DAB1: variants seen among roughly 807,000 people sequenced by gnomAD.
DAB1 encodes the protein disabled homolog 1.
A neutral mutation model predicts 64.6 loss-of-function variants in DAB1; 15 were observed. The observed-to-expected ratio is 0.23, with a 90% CI of 0.16 to 0.36. The LOEUF (loss-of-function observed/expected upper bound fraction) is 0.36, where lower values mean the gene tolerates loss of function less well. Among genes scored for constraint, DAB1 ranks in the 10% least tolerant of loss-of-function variants. DAB1 has a pLI of 1.00. For synonymous variants in DAB1, 235 were observed against 251.9 expected (o/e 0.93, Z 0.64); for missense variants, 596 against 706.7 (o/e 0.84, Z 1.78).
Position 57,964,440 on chromosome 1 carries a change from G to T in DAB1, n.388-80278C>A, listed in dbSNP as rs1645602076. Among the ~76,000 whole-genome samples the T allele has an allele frequency of 1.3e-5, 2 of 152,134 alleles. 1 individual carries two copies. Among genetic ancestry groups the T allele is most frequent in the South Asian group, 4.1e-4 (2 of 4,828 alleles). On this transcript the variant is annotated intron_variant and non_coding_transcript_variant, in intron 5 of 20. Transcript: ENST00000485760. ...TAACTATTGATTGCTTCACAGCTTT[G>T]ATAACTGAGCATCAGAAAGCTAAAG...
intron 6 of DAB1, among the ~76,000 whole-genome samples, chr1:57,811,307 C>T (rs78485166): frequency 0.012 from 1,818 of 152,310 alleles, 45 homozygotes; most frequent in African/African-American, 0.042. Flanking sequence ...TGGTTTCTCA[C>T]GAATGCTTTA....
At chr1:57,299,800 G>C (rs1016307534) in intron 1 of DAB1, among the ~76,000 whole-genome samples, 8 of 152,220 alleles carry the variant, frequency 5.3e-5, no homozygotes, top group African/African-American at 1.9e-4. Flanking sequence ...GCCATTGACT[G>C]CCTAGGTAAA....
rs540809076 is a variant in DAB1 at position 58,320,858 on chromosome 1, T to C, written n.309+22494A>G. Among the ~76,000 whole-genome samples the C allele has an allele frequency of 7.2e-5, 11 of 152,314 alleles. No homozygotes were observed. In the South Asian group the frequency reaches 2.3e-3, roughly 32 times the overall value. On this transcript the variant is annotated intron_variant and non_coding_transcript_variant, in intron 4 of 20. Coordinates refer to the DAB1 transcript ENST00000485760. Reference sequence around the variant, plus strand: ...CCCACATCAGCTGATTTCAGATGGGTTCAGCCAATGGGAGGCAAGAGATCG... The same window carrying C: ...CCCACATCAGCTGATTTCAGATGGGCTCAGCCAATGGGAGGCAAGAGATCG...
chr1:58,538,283 G>C (rs556653871), intron 1 of DAB1, among the ~76,000 whole-genome samples: 1 of 152,100 alleles, frequency 6.6e-6, no homozygotes, highest in African/African-American at 2.4e-5. Flanking sequence ...GATTTGTTGG[G>C]AACAGAATAG....
chr1:58,198,756 T>C (rs572779224), intron 4 of DAB1, among the ~76,000 whole-genome samples: 1 of 152,282 alleles, frequency 6.6e-6, no homozygotes, highest in Admixed American at 6.5e-5. Context: ...GAACTTTTGT[T>C]TGTACTGTAG....
intron 1 of DAB1, among the ~76,000 whole-genome samples, chr1:57,879,929 T>G (rs1644116542): frequency 6.6e-6 from 1 of 152,114 alleles, no homozygotes; most frequent in South Asian, 2.1e-4. Context: ...AAAGTGGAGT[T>G]TCCCAACACA....
At chr1:57,185,764 C>CT (rs1420533557) in intron 2 of DAB1, among the ~76,000 whole-genome samples, 4 of 151,970 alleles carry the variant, frequency 2.6e-5, no homozygotes, top group South Asian at 2.1e-4. Flanking sequence ...TGTTTTTGGT[C>CT]TTTTTTTCCA....
rs371698234 is a variant in DAB1, at chr1:57,859,556, C to G, written n.87+24443G>C. On this transcript the variant is annotated intron_variant and non_coding_transcript_variant, in intron 1 of 1. Transcript: ENST00000477280. ...GCTAGAAAGTGGTAGACCAGGAGGACTTGAACCTATCTTTACTTCACTTCA... is the reference window on the plus strand; with the variant it reads ...GCTAGAAAGTGGTAGACCAGGAGGAGTTGAACCTATCTTTACTTCACTTCA... Among the ~76,000 whole-genome samples the G allele has an allele frequency of 9.2e-5, 14 of 152,280 alleles. No individual in the cohort carries two copies. The East Asian group carries it at 2.5e-3, about 27-fold the overall frequency.
At chr1:57,895,163 CT>C (rs2101987296) in intron 5 of DAB1, among the ~76,000 whole-genome samples, 1 of 152,134 alleles carries the variant, frequency 6.6e-6, no homozygotes, top group South Asian at 2.1e-4. Flanking sequence ...ATATTCAAGT[CT>C]AATGGGTAAC....
intron 2 of DAB1, among the ~76,000 whole-genome samples, chr1:57,208,523 C>T (rs774145490): frequency 5.3e-5 from 8 of 152,362 alleles, no homozygotes; most frequent in Admixed American, 1.3e-4. Context: ...TATTCTTCAG[C>T]AGCTGTCTCC....
chr1:58,283,543 CTT>C (rs1455359805), intron 4 of DAB1, among the ~76,000 whole-genome samples: 1 of 152,266 alleles, frequency 6.6e-6, no homozygotes, highest in South Asian at 2.1e-4. Flanking sequence ...AGGCTCTACT[CTT>C]TAGCCCTGAA....
chr1:57,447,681 G>T (rs1021895171), intron 7 of DAB1, among the ~76,000 whole-genome samples: 1 of 152,162 alleles, frequency 6.6e-6, no homozygotes, highest in Non-Finnish European at 1.5e-5. Context: ...GCGCCCTAGT[G>T]CCTACAAAAG....
At chr1:58,420,282 T>C (rs1644759864) in intron 3 of DAB1, among the ~76,000 whole-genome samples, 1 of 152,168 alleles carries the variant, frequency 6.6e-6, no homozygotes, top group Non-Finnish European at 1.5e-5. Context: ...GCTCCAGTAA[T>C]ATTCTCTAAA....
chr1:57,260,828 T>G (rs1204619675), intron 2 of DAB1, among the ~76,000 whole-genome samples: 2 of 152,188 alleles, frequency 1.3e-5, no homozygotes, highest in Non-Finnish European at 2.9e-5. Context: ...GGCCTCCCTG[T>G]GCCAGCTCTT....
intron 7 of DAB1, among the ~76,000 whole-genome samples, chr1:57,553,283 G>A (rs1644935739): frequency 6.7e-6 from 1 of 149,384 alleles, no homozygotes; most frequent in African/African-American, 2.5e-5. Context: ...GAGAGAACAG[G>A]TAAAAAGATA....
At chr1:57,794,376 A>G (rs952101887) in intron 6 of DAB1, among the ~76,000 whole-genome samples, 9 of 152,194 alleles carry the variant, frequency 5.9e-5, no homozygotes, top group African/African-American at 2.2e-4. Context: ...ATCCTCCAAC[A>G]CATCCTTCAG....
chr1:57,016,440 C>G (rs1646434085), intron 11 of DAB1, among the ~76,000 whole-genome samples: 1 of 151,850 alleles, frequency 6.6e-6, no homozygotes, highest in African/African-American at 2.4e-5. Context: ...AAAAATTAGT[C>G]AGGAATGGTG....
At chr1:57,733,683 G>A (rs987522420) in intron 6 of DAB1, among the ~76,000 whole-genome samples, 20 of 152,184 alleles carry the variant, frequency 1.3e-4, no homozygotes, top group Middle Eastern at 6.8e-3. Context: ...CAGAGAGGTC[G>A]AGCGATTTGC....
At chr1:57,162,814 G>T (rs1236023457) in intron 2 of DAB1, among the ~76,000 whole-genome samples, 1 of 152,204 alleles carries the variant, frequency 6.6e-6, no homozygotes, top group Non-Finnish European at 1.5e-5. Flanking sequence ...GTACAAAGGG[G>T]TATTTGTGAT....
Sources: gnomAD v4.1 joint callset for allele counts (sites outside exome capture counted in the v4.1 genomes callset) on GRCh38, gnomAD v4.1.1 for gene constraint, MANE v1.5 for transcripts, NCBI Gene and HGNC (gene_info 2026-07-23, HGNC 2026-07-21) for gene names.